The following FAM53B variants were observed in gnomAD, a reference collection of about 807,000 sequenced individuals.
FAM53B encodes the protein family with sequence similarity 53 member B, also known as protein FAM53B.
In FAM53B, 12 loss-of-function variants were observed where a neutral mutation model predicts 32.7. The observed-to-expected ratio is 0.37, with a 90% confidence interval of 0.24 to 0.59. FAM53B has a LOEUF of 0.59. Ranked by LOEUF, FAM53B falls within the 20% of genes least tolerant of loss-of-function variation. The pLI, the probability that FAM53B is intolerant of heterozygous loss-of-function variation, is 0.72. For synonymous variants in FAM53B, 234 were observed against 228.7 expected (o/e 1.02, Z -0.21); for missense variants, 477 against 577.7 (o/e 0.83, Z 1.79).
At chr10:124,637,719 C>T (rs1399493081) in intron 4 of FAM53B, among the ~76,000 whole-genome samples, 2 of 152,228 alleles carry the variant, frequency 1.3e-5, no homozygotes, top group African/African-American at 4.8e-5. Context: ...CACTCATACC[C>T]TCCCTGCCTA....
intron 1 of FAM53B, among the ~76,000 whole-genome samples, chr10:124,732,013 A>G (rs1006941022): frequency 1.3e-5 from 2 of 152,160 alleles, no homozygotes; most frequent in Non-Finnish European, 2.9e-5. Flanking sequence ...GTCTGCCAGG[A>G]TCAGCCCTGA....
chr10:124,724,791 T>C (rs1388378073), intron 1 of FAM53B, among the ~76,000 whole-genome samples: 2 of 151,898 alleles, frequency 1.3e-5, no homozygotes, highest in East Asian at 1.9e-4. Context: ...GGAATGGGAG[T>C]GGCCACACAC....
intron 3 of FAM53B, among the ~76,000 whole-genome samples, chr10:124,692,960 AT>A (rs1351897151): frequency 6.6e-6 from 1 of 152,112 alleles, no homozygotes; most frequent in Non-Finnish European, 1.5e-5. Context: ...GGAGGAAAAA[AT>A]CCTGAGTCAC....
intron 4 of FAM53B, among the ~76,000 whole-genome samples, chr10:124,646,348 C>T (rs927758388): frequency 6.6e-6 from 1 of 152,216 alleles, no homozygotes; most frequent in Non-Finnish European, 1.5e-5. Context: ...GCTCTGGCCC[C>T]GCAATGGGCT....
intron 4 of FAM53B, among the ~76,000 whole-genome samples, chr10:124,670,741 C>T (rs1487094532): frequency 6.6e-6 from 1 of 152,246 alleles, no homozygotes; most frequent in Non-Finnish European, 1.5e-5. Flanking sequence ...CAAGGCCTCC[C>T]TGTCCCTCCA....
At chr10:124,655,535 T>C (rs898414575) in intron 4 of FAM53B, among the ~76,000 whole-genome samples, 1 of 152,120 alleles carries the variant, frequency 6.6e-6, no homozygotes, top group Non-Finnish European at 1.5e-5. Flanking sequence ...ACTGGGGCTC[T>C]GGAGACAGCC....
intron 4 of FAM53B, among the ~76,000 whole-genome samples, chr10:124,678,078 A>T (rs1037498798): frequency 6.6e-6 from 1 of 152,218 alleles, no homozygotes; most frequent in Non-Finnish European, 1.5e-5. Context: ...CAGAAAAGGG[A>T]GGATGGAAAC....
At position 124,698,155 on chromosome 10, in the gene FAM53B, C is replaced by G. The variant is rs552790452; in HGVS notation, c.79-1943G>C. 5.3e-5 allele frequency among the ~76,000 whole-genome samples: 8 copies of G among 152,304 alleles called. No individual in the cohort carries two copies. In the South Asian group the frequency reaches 1.4e-3, roughly 28 times the overall value. ...GCAGCTCCCAGCACTAAGGGAACAC[C>G]TGGGCACAAGGAAATTACCCCCTGG... On this transcript the variant is annotated intron_variant, in intron 2 of 4. Coordinates refer to ENST00000337318, the MANE Select transcript of FAM53B (RefSeq NM_014661.4).
intron 4 of FAM53B, among the ~76,000 whole-genome samples, chr10:124,679,653 C>A (rs984136935): frequency 4.6e-5 from 7 of 152,220 alleles, no homozygotes; most frequent in African/African-American, 1.7e-4. Context: ...AGGCCCCTCT[C>A]TACTTTCCCT....
intron 4 of FAM53B, among the ~76,000 whole-genome samples, chr10:124,677,567 T>C (rs977939929): frequency 2.6e-5 from 4 of 152,264 alleles, no homozygotes; most frequent in Non-Finnish European, 5.9e-5. Context: ...CCTTGCGTCA[T>C]TTCCCCCATT....
In FAM53B at chr10:124,682,092, C is replaced by T. The variant is rs368291105; in HGVS notation, c.421G>A (p.Val141Met). The T allele has an allele frequency of 9.9e-6, 16 of 1,613,592 alleles. No homozygotes were observed. Among genetic ancestry groups the T allele is most frequent in the Admixed American group, 3.3e-5 (2 of 59,954 alleles). ...RPLGSKVWTP[V>M]EKRRCYSGGS... is the part of the protein sequence containing the mutation. ...CCGCTGTAGCAGCGTCTCTTTTCCA[C>T]GGGAGTCCAGACTTTGGAGCCCAAG... is the stretch of plus-strand genomic sequence containing the variant. Residue 141 changes from valine to methionine, a missense_variant, in exon 4 of 5, where the codon GTG becomes ATG. Around this residue, in one of 2 missense-constraint regions of FAM53B, gnomAD observed 312 missense variants for 420.2 expected, o/e 0.74. Coordinates refer to ENST00000337318, the MANE Select transcript of FAM53B (RefSeq NM_014661.4). The surrounding 1 kb of genome is among the most constrained non-coding windows in gnomAD (Gnocchi z 5.2).
intron 3 of FAM53B, among the ~76,000 whole-genome samples, chr10:124,694,585 T>C (rs980732536): frequency 1.3e-5 from 2 of 152,130 alleles, no homozygotes; most frequent in Admixed American, 1.3e-4. Flanking sequence ...AGCTAAAGCC[T>C]AGGCAGGGTT....
intron 3 of FAM53B, among the ~76,000 whole-genome samples, chr10:124,692,153 C>T (rs1949836744): frequency 1.3e-5 from 2 of 152,210 alleles, no homozygotes; most frequent in African/African-American, 4.8e-5. Flanking sequence ...GGCAGGAGCC[C>T]TGTGGTGGCG....
chr10:124,667,920 G>C (rs554460039), intron 4 of FAM53B, among the ~76,000 whole-genome samples: 8 of 152,280 alleles, frequency 5.3e-5, no homozygotes, highest in African/African-American at 1.9e-4. Context: ...ATGGGGAGGA[G>C]GACACTGAGG....
intron 4 of FAM53B, chr10:124,667,447 T>C (rs775148764): frequency 1.2e-5 from 9 of 760,430 alleles, no homozygotes; most frequent in African/African-American, 1.7e-5. Context: ...AACAGGTGAG[T>C]TTCTTCTGCA....
chr10:124,685,023 A>C (rs1343284441), intron 3 of FAM53B, among the ~76,000 whole-genome samples: 1 of 152,244 alleles, frequency 6.6e-6, no homozygotes, highest in East Asian at 1.9e-4. Context: ...TAAATTATCA[A>C]GGAATAACAT....
intron 4 of FAM53B, chr10:124,667,416 G>A: frequency 1.3e-6 from 1 of 769,270 alleles, no homozygotes; most frequent in South Asian, 1.4e-5. Context: ...TCCTCATGGG[G>A]CTATCTGGAG....
At chr10:124,639,995 C>T (rs902204916) in intron 4 of FAM53B, among the ~76,000 whole-genome samples, 12 of 152,066 alleles carry the variant, frequency 7.9e-5, no homozygotes, top group East Asian at 1.9e-4. Flanking sequence ...TTAACCACCA[C>T]GCTGCACCTC....
chr10:124,627,048 C>T (rs1485754638), intron 4 of FAM53B, among the ~76,000 whole-genome samples: 1 of 152,246 alleles, frequency 6.6e-6, no homozygotes, highest in Non-Finnish European at 1.5e-5. Flanking sequence ...TTCCTGGCCA[C>T]AAAGCCAGCG....
Sources: allele counts gnomAD v4.1 joint callset (sites outside exome capture counted in the v4.1 genomes callset), GRCh38; gene constraint gnomAD v4.1.1; regional missense constraint gnomAD v4.1.1; non-coding constraint Gnocchi (gnomAD v3.1); transcripts MANE v1.5; gene names NCBI Gene and HGNC (gene_info 2026-07-23, HGNC 2026-07-21).